CLPTM1L: variants seen among roughly 807,000 people sequenced by gnomAD.
CLPTM1L encodes CLPTM1 like.
CLPTM1L carries 38 observed loss-of-function variants against 70.9 expected under a neutral mutation model. The ratio of observed to expected loss-of-function variants is 0.54; its 90% CI spans 0.41 to 0.70. CLPTM1L has a LOEUF of 0.70. Ranked by LOEUF, CLPTM1L falls within the 30% of genes least tolerant of loss-of-function variation. The probability of loss-of-function intolerance (pLI) is 0.00; values close to 1 mark genes in which losing one functional copy is unlikely to be tolerated. For synonymous variants in CLPTM1L, 339 were observed against 299.9 expected (o/e 1.13, Z -1.35); for missense variants, 652 against 705.9 (o/e 0.92, Z 0.87).
rs559120845 is a variant in CLPTM1L, at chr5:1,328,703, G to C, written c.1080+1577C>G. 1.4e-4 allele frequency among the ~76,000 whole-genome samples: 21 copies of C among 149,210 alleles called. 1 individual carries two copies. In the East Asian group the frequency reaches 4.1e-3, roughly 29 times the overall value. On this transcript the variant is annotated intron_variant, in intron 9 of 16. Coordinates refer to ENST00000320895, the MANE Select transcript of CLPTM1L (RefSeq NM_030782.5). ...CATTTCATCCAGCTCCTCCTCTATA[G>C]ACACATTCCATCCAGCTCCTCCTCT... is the stretch of plus-strand genomic sequence containing the variant.
At chr5:1,333,861 G>C (rs977450480) in intron 7 of CLPTM1L, among the ~76,000 whole-genome samples, 1 of 152,052 alleles carries the variant, frequency 6.6e-6, no homozygotes, top group Non-Finnish European at 1.5e-5. Flanking sequence ...AAATCAGTGT[G>C]TTAGAATTTA....
At chr5:1,328,543 A>G (rs1752807795) in intron 9 of CLPTM1L, among the ~76,000 whole-genome samples, 1 of 150,440 alleles carries the variant, frequency 6.6e-6, no homozygotes, top group African/African-American at 2.5e-5. Flanking sequence ...CATTTCATCC[A>G]GCTCCTCCTC....
intron 10 of CLPTM1L, 104 bp from the exon 11 acceptor site, chr5:1,324,917 G>A (rs927178568): frequency 2.4e-5 from 26 of 1,077,570 alleles, no homozygotes; most frequent in Non-Finnish European, 3.4e-5. Context: ...AGCTGACCCA[G>A]GCCTCACTAC....
intron 7 of CLPTM1L, among the ~76,000 whole-genome samples, chr5:1,333,662 G>GATAAGGGGGGA (rs1561244394): frequency 3.1e-5 from 3 of 97,026 alleles, no homozygotes; most frequent in South Asian, 3.4e-4. Context: ...ATACACACCG[G>GATAAGGGGGGA]CTGAGGATAA....
intron 9 of CLPTM1L, among the ~76,000 whole-genome samples, chr5:1,328,943 C>CCATCCAGCTCCTCCTCTACAGACACATTT (rs1561237699): frequency 2.1e-5 from 3 of 143,818 alleles, no homozygotes; most frequent in Non-Finnish European, 3.0e-5. Context: ...CAGGGACATT[C>CCATCCAGCTCCTCCTCTACAGACACATTT]CATCCAGCTC....
chr5:1,339,843 G>A (rs1239951662), intron 3 of CLPTM1L, among the ~76,000 whole-genome samples: 2 of 114,694 alleles, frequency 1.7e-5, no homozygotes, highest in South Asian at 3.0e-4. Flanking sequence ...CAGGGTCAGC[G>A]CCCTAACCTG....
Position 1,333,187 on chromosome 5 carries a change from C to G in CLPTM1L, c.891+1102G>C, listed in dbSNP as rs7379718. Among the ~76,000 whole-genome samples, 48 of 20,742 alleles carry G rather than the reference C, an allele frequency of 2.3e-3. 11 individuals carry two copies. The highest frequency in any genetic ancestry group is 6.3e-3 in the African/African-American group (14 of 2,228). The allele number at this position is 20,742 out of a possible 152,430, so 13.6% of individuals were successfully genotyped here. On this transcript the variant is annotated intron_variant, in intron 7 of 16. Coordinates refer to ENST00000320895, the MANE Select transcript of CLPTM1L (RefSeq NM_030782.5). ...TAAGGGGGGACTACTGTATACACAC[C>G]GGATGAGGATAAGGGGGGACTACTG... is the stretch of plus-strand genomic sequence containing the variant.
chr5:1,337,853 G>C, intron 5 of CLPTM1L, 51 bp downstream of exon 5: 2 of 1,436,080 alleles, frequency 1.4e-6, no homozygotes, highest in Non-Finnish European at 1.9e-6. Context: ...GGCCAGTCTT[G>C]GGGTCAGTGT....
intron 11 of CLPTM1L, 48 bp from the exon 12 acceptor site, chr5:1,323,917 C>G (rs747859153): frequency 7.1e-6 from 10 of 1,402,590 alleles, no homozygotes; most frequent in African/African-American, 1.4e-5. Context: ...AACGCCAAGC[C>G]TCTGTAAACA....
chr5:1,328,440 C>T (rs1752794459), intron 9 of CLPTM1L, among the ~76,000 whole-genome samples: 4 of 149,230 alleles, frequency 2.7e-5, no homozygotes, highest in South Asian at 2.1e-4. Context: ...TCCTCCTCTA[C>T]AGACACATTT....
At chr5:1,325,871 G>C in intron 9 of CLPTM1L, 55 bp from the exon 10 acceptor site, 2 of 1,489,694 alleles carry the variant, frequency 1.3e-6, no homozygotes, top group Non-Finnish European at 1.9e-6. Flanking sequence ...CAGGAGCCAC[G>C]AATGAACGAC....
Position 1,342,452 on chromosome 5 carries a change from G to A in CLPTM1L, c.264-592C>T, listed in dbSNP as rs1000029949. Among the ~76,000 whole-genome samples, 3 of 152,150 alleles carry A rather than the reference G, an allele frequency of 2.0e-5. No homozygotes were observed. Among genetic ancestry groups the A allele is most frequent in the Non-Finnish European group, 2.9e-5 (2 of 68,034 alleles). ...TCCAGCACGAGCTGAGGAAAGGCCC[G>A]GCGAGCTGCTACAACTGTAGGCCTC... On this transcript the variant is annotated intron_variant, in intron 2 of 16. Transcript: ENST00000320895. The surrounding 1 kb of genome is among the most constrained non-coding windows in gnomAD (Gnocchi z 4.3).
intron 8 of CLPTM1L, 28 bp downstream of exon 8, chr5:1,331,771 T>C (rs1753107514): frequency 1.2e-6 from 2 of 1,604,392 alleles, no homozygotes; most frequent in East Asian, 4.5e-5. Context: ...GCAGAGTATC[T>C]GAGCAGGGCC....
At chr5:1,334,625 G>A (rs1405147765) in intron 6 of CLPTM1L, among the ~76,000 whole-genome samples, 7 of 151,932 alleles carry the variant, frequency 4.6e-5, no homozygotes, top group East Asian at 1.9e-4. Flanking sequence ...GTGGGGGCAC[G>A]CGCCTGTAAT....
At chr5:1,329,770 T>TCAC (rs1752958229) in intron 9 of CLPTM1L, among the ~76,000 whole-genome samples, 1 of 101,210 alleles carries the variant, frequency 9.9e-6, no homozygotes, top group East Asian at 2.6e-4. Context: ...GCCTCAGGAC[T>TCAC]CTCTGCCTGG....
chr5:1,343,372 T>G (rs929837507), intron 2 of CLPTM1L, among the ~76,000 whole-genome samples: 2 of 152,168 alleles, frequency 1.3e-5, no homozygotes, highest in Non-Finnish European at 2.9e-5. Context: ...GAGGCGGAGC[T>G]GTGTTAAGAG....
chr5:1,340,324 A>G (rs984145347), intron 3 of CLPTM1L, among the ~76,000 whole-genome samples: 8 of 152,150 alleles, frequency 5.3e-5, no homozygotes, highest in Non-Finnish European at 7.3e-5. Context: ...TGCCTAAAGG[A>G]GACATACTGA....
In CLPTM1L at chr5:1,342,311, T is replaced by C. The variant is rs929480655; in HGVS notation, c.264-451A>G. Among the ~76,000 whole-genome samples, 1 of 152,164 alleles carries C rather than the reference T, an allele frequency of 6.6e-6. No individual in the cohort carries two copies. Among genetic ancestry groups the C allele is most frequent in the Admixed American group, 6.5e-5 (1 of 15,284 alleles). ...CTCCAGGTGCCTCGGCCCACACTAC[T>C]GGAACCTCAGAAATTTAATGTGGGT... On this transcript the variant is annotated intron_variant, in intron 2 of 16. Coordinates refer to ENST00000320895, the MANE Select transcript of CLPTM1L (RefSeq NM_030782.5). This position sits in a 1 kb window ranked among gnomAD's most constrained non-coding sequence, Gnocchi z 4.3.
At chr5:1,322,358 C>T (rs1437788106) in intron 13 of CLPTM1L, among the ~76,000 whole-genome samples, 1 of 152,218 alleles carries the variant, frequency 6.6e-6, no homozygotes, top group Non-Finnish European at 1.5e-5. Context: ...AGGCGGGCCT[C>T]CCAGGACATG....
Sources: gnomAD v4.1 joint callset for allele counts (sites outside exome capture counted in the v4.1 genomes callset) on GRCh38, gnomAD v4.1.1 for gene constraint, Gnocchi (gnomAD v3.1) non-coding constraint, MANE v1.5 for transcripts, NCBI Gene and HGNC (gene_info 2026-07-23, HGNC 2026-07-21) for gene names.